Variants in B3GALT1 observed in about 807,000 individuals in gnomAD.
B3GALT1 encodes UDP-Gal:betaGlcNAc beta 1,3-galactosyltransferase, polypeptide 1.
In B3GALT1, 10 loss-of-function variants were observed where a neutral mutation model predicts 23.2. The ratio of observed to expected loss-of-function variants is 0.43; its 90% CI spans 0.27 to 0.73. The LOEUF is 0.73. B3GALT1 is among the 30% of genes least tolerant of loss of function. The probability of loss-of-function intolerance (pLI) is 0.21; values close to 1 mark genes in which losing one functional copy is unlikely to be tolerated. For synonymous variants in B3GALT1, 156 were observed against 141.5 expected (o/e 1.10, Z -0.73); for missense variants, 299 against 405.4 (o/e 0.74, Z 2.25).
chr2:167,563,182 G>A (rs1031049279), intron 2 of B3GALT1, among the ~76,000 whole-genome samples: 4 of 151,878 alleles, frequency 2.6e-5, no homozygotes, highest in East Asian at 2.0e-4. Flanking sequence ...CCCAGACAGG[G>A]TGGTGGCCGG....
intron 1 of B3GALT1, among the ~76,000 whole-genome samples, chr2:167,295,275 C>T (rs1696330899): frequency 6.6e-6 from 1 of 152,052 alleles, no homozygotes; most frequent in South Asian, 2.1e-4. Flanking sequence ...TCATGTCTGG[C>T]TTAAAAGTGT....
intron 2 of B3GALT1, among the ~76,000 whole-genome samples, chr2:167,604,327 G>T (rs572634793): frequency 6.6e-6 from 1 of 152,248 alleles, no homozygotes; most frequent in East Asian, 1.9e-4. Flanking sequence ...TGCTCCACGG[G>T]AAGTAGGAAC....
chr2:167,431,640 T>C (rs1038095299), intron 1 of B3GALT1, among the ~76,000 whole-genome samples: 10 of 152,174 alleles, frequency 6.6e-5, no homozygotes, highest in African/African-American at 1.7e-4. Flanking sequence ...AATATAAAAT[T>C]GTCCACATTC....
intron 4 of B3GALT1, among the ~76,000 whole-genome samples, chr2:167,838,455 C>T (rs1421995678): frequency 2.6e-5 from 4 of 152,294 alleles, no homozygotes; most frequent in African/African-American, 7.2e-5. Context: ...TCAACACATA[C>T]ACTCTCCCAA....
At chr2:167,376,574 T>C (rs1452316860) in intron 1 of B3GALT1, among the ~76,000 whole-genome samples, 1 of 152,160 alleles carries the variant, frequency 6.6e-6, no homozygotes, top group Non-Finnish European at 1.5e-5. Flanking sequence ...CTTGGGAGGT[T>C]GTGTATTTTC....
At chr2:167,737,785 G>C (rs937685555) in intron 3 of B3GALT1, among the ~76,000 whole-genome samples, 1 of 152,208 alleles carries the variant, frequency 6.6e-6, no homozygotes, top group Non-Finnish European at 1.5e-5. Flanking sequence ...CTACATGTTA[G>C]CTGAGCATGA....
intron 4 of B3GALT1, among the ~76,000 whole-genome samples, chr2:167,859,377 A>C (rs916717131): frequency 6.6e-6 from 1 of 152,128 alleles, no homozygotes; most frequent in African/African-American, 2.4e-5. Context: ...TGAATTCTAG[A>C]ACTAGGGCAA....
chr2:167,520,853 A>G (rs1700177261), intron 2 of B3GALT1, among the ~76,000 whole-genome samples: 1 of 152,232 alleles, frequency 6.6e-6, no homozygotes, highest in African/African-American at 2.4e-5. Context: ...TCAAGTGGAA[A>G]GTTGGCTCAA....
chr2:167,333,849 TA>T (rs1439321471), intron 1 of B3GALT1, among the ~76,000 whole-genome samples: 2 of 152,166 alleles, frequency 1.3e-5, no homozygotes, highest in Non-Finnish European at 2.9e-5. Flanking sequence ...AGGACAGATT[TA>T]AAAAGGCTTA....
intron 4 of B3GALT1, among the ~76,000 whole-genome samples, chr2:167,840,240 G>A (rs1189882573): frequency 6.6e-6 from 1 of 151,886 alleles, no homozygotes; most frequent in Admixed American, 6.6e-5. Flanking sequence ...GAGTGAACAG[G>A]CAACCCACAA....
chr2:167,867,474 C>T (rs755130613), intron 4 of B3GALT1, among the ~76,000 whole-genome samples: 9 of 152,102 alleles, frequency 5.9e-5, no homozygotes, highest in Non-Finnish European at 1.0e-4. Context: ...TTAGTTAGAA[C>T]GGTAACCACA....
intron 1 of B3GALT1, among the ~76,000 whole-genome samples, chr2:167,397,947 G>C (rs970845045): frequency 6.6e-6 from 1 of 152,138 alleles, no homozygotes; most frequent in African/African-American, 2.4e-5. Context: ...AATGACTTCA[G>C]CCAGCCCTGG....
intron 1 of B3GALT1, among the ~76,000 whole-genome samples, chr2:167,443,527 T>G (rs1698930810): frequency 6.6e-6 from 1 of 152,240 alleles, no homozygotes; most frequent in African/African-American, 2.4e-5. Flanking sequence ...TTCTTCCATT[T>G]GTGTCCTCTT....
chr2:167,824,315 T>C (rs1689169577), intron 4 of B3GALT1, among the ~76,000 whole-genome samples: 2 of 152,278 alleles, frequency 1.3e-5, no homozygotes, highest in South Asian at 4.1e-4. Flanking sequence ...GAAAGATCAC[T>C]ATAGCTGGAG....
At chr2:167,335,568 C>G (rs903395129) in intron 1 of B3GALT1, among the ~76,000 whole-genome samples, 1 of 152,122 alleles carries the variant, frequency 6.6e-6, no homozygotes, top group African/African-American at 2.4e-5. Flanking sequence ...AGGGGGTGGG[C>G]AGTTCCCAGA....
intron 3 of B3GALT1, among the ~76,000 whole-genome samples, chr2:167,665,543 A>C (rs1198038925): frequency 6.6e-6 from 1 of 151,580 alleles, no homozygotes; most frequent in Non-Finnish European, 1.5e-5. Context: ...GAATGGTACC[A>C]GTTCCTCCTT....
At chr2:167,524,705 A>AGATTTGCCAT (rs1440465043) in intron 2 of B3GALT1, among the ~76,000 whole-genome samples, 1 of 152,210 alleles carries the variant, frequency 6.6e-6, no homozygotes. Context: ...ATCAGACAGT[A>AGATTTGCCAT]CTTCTCCCAG....
At chr2:167,363,746 A>T (rs1045681658) in intron 1 of B3GALT1, among the ~76,000 whole-genome samples, 1 of 152,106 alleles carries the variant, frequency 6.6e-6, no homozygotes, top group Non-Finnish European at 1.5e-5. Context: ...TATTTTTGTT[A>T]GTTTTTGAGG....
At chr2:167,397,239 T>G (rs1698113821) in intron 1 of B3GALT1, among the ~76,000 whole-genome samples, 1 of 151,924 alleles carries the variant, frequency 6.6e-6, no homozygotes, top group Non-Finnish European at 1.5e-5. Flanking sequence ...CTTTCTTCCC[T>G]CCTTTCCATT....
Sources: allele counts gnomAD v4.1 joint callset (sites outside exome capture counted in the v4.1 genomes callset), GRCh38; gene constraint gnomAD v4.1.1; transcripts MANE v1.5; gene names NCBI Gene and HGNC (gene_info 2026-07-23, HGNC 2026-07-21).